ELMO1: variants seen among roughly 807,000 people sequenced by gnomAD.
ELMO1 encodes engulfment and cell motility protein 1.
In ELMO1, 26 loss-of-function variants were observed where a neutral mutation model predicts 98.9. The ratio of observed to expected loss-of-function variants is 0.26; its 90% CI spans 0.19 to 0.36. ELMO1 has a LOEUF of 0.36. Among genes scored for constraint, ELMO1 ranks in the 10% least tolerant of loss-of-function variants. The pLI, the probability that ELMO1 is intolerant of heterozygous loss-of-function variation, is 1.00. For synonymous variants in ELMO1, 346 were observed against 346.0 expected, an observed-to-expected ratio of 1.00 and a Z score of 0.00; for missense variants, 627 against 935.2, an observed-to-expected ratio of 0.67 and a Z score of 4.30.
intron 14 of ELMO1, among the ~76,000 whole-genome samples, chr7:37,122,926 A>C (rs1170270700): frequency 6.6e-6 from 1 of 152,190 alleles, no homozygotes; most frequent in Non-Finnish European, 1.5e-5. Flanking sequence ...ATAAATTATA[A>C]CAAACTGTCT....
In ELMO1 at chr7:37,224,989, G is replaced by T. The variant is rs756310823; in HGVS notation, c.591C>A (p.Ile197=). 2 of 1,614,010 alleles carry T rather than the reference G, an allele frequency of 1.2e-6. No homozygotes were observed. Among genetic ancestry groups the T allele is most frequent in the African/African-American group, 2.7e-5 (2 of 74,918 alleles). Residue 197 remains isoleucine, a synonymous_variant, in exon 9 of 22, where the codon ATC becomes ATA. Transcript: ENST00000310758. The stretch of plus-strand genomic sequence containing the variant: ...CCAAAATGGCCAAGGACCGCTGCAG[G>T]ATCGAGATGTCTATGGCTGACTTGT... ...FVNKSAIDIS[I]LQRSLAILES...
intron 13 of ELMO1, among the ~76,000 whole-genome samples, chr7:37,204,535 T>C (rs957482311): frequency 2.6e-5 from 4 of 152,208 alleles, no homozygotes; most frequent in East Asian, 3.8e-4. Context: ...GCAAGATTTA[T>C]TGCAAAGAGC....
intron 16 of ELMO1, among the ~76,000 whole-genome samples, chr7:36,937,336 GA>G (rs1405390490): frequency 3.9e-5 from 6 of 152,194 alleles, no homozygotes; most frequent in Non-Finnish European, 1.5e-5. Flanking sequence ...CAAAGGCAGA[GA>G]CTGAAGTGAT....
chr7:37,256,371 C>G (rs1795642504), intron 6 of ELMO1, among the ~76,000 whole-genome samples: 2 of 151,958 alleles, frequency 1.3e-5, no homozygotes. Context: ...TAGGGATTTT[C>G]TCTACTTGAC....
intron 16 of ELMO1, among the ~76,000 whole-genome samples, chr7:36,917,439 C>A (rs1043746992): frequency 2.0e-5 from 3 of 152,166 alleles, no homozygotes; most frequent in African/African-American, 7.2e-5. Context: ...AAGGGCTTAA[C>A]ACCTAGAATA....
Position 37,211,392 on chromosome 7 carries a change from C to G in ELMO1, c.1080G>C (p.Gly360=). ...CTGGAGATAGCTTACTTACAATGAA[C>G]CCAAGCTTCTTATAATCTCGCGTGT... ...SMYTRDYKKL[G]FINHVNPAMD... The change falls in exon 13 of 22, where the codon GGG becomes GGC. Residue 360 remains glycine (G), a synonymous_variant. Coordinates refer to ENST00000310758, the MANE Select transcript of ELMO1 (RefSeq NM_014800.11). 1 of 1,613,952 alleles carries G rather than the reference C, an allele frequency of 6.2e-7. No homozygotes were observed. Among genetic ancestry groups the G allele is most frequent in the African/African-American group, 1.3e-5 (1 of 75,010 alleles).
At chr7:37,101,150 C>G (rs1784618916) in intron 14 of ELMO1, among the ~76,000 whole-genome samples, 1 of 152,204 alleles carries the variant, frequency 6.6e-6, no homozygotes, top group Admixed American at 6.5e-5. Flanking sequence ...TCTAGGGACT[C>G]ATGAAAGTAA....
At chr7:36,957,767 T>G (rs569330034) in intron 16 of ELMO1, among the ~76,000 whole-genome samples, 1 of 152,226 alleles carries the variant, frequency 6.6e-6, no homozygotes, top group African/African-American at 2.4e-5. Context: ...ATGCCCCAAG[T>G]GTGGAGAGAA....
chr7:36,964,723 T>C (rs929175886), intron 16 of ELMO1, among the ~76,000 whole-genome samples: 1 of 152,172 alleles, frequency 6.6e-6, no homozygotes, highest in Admixed American at 6.5e-5. Flanking sequence ...CCTACTTCCT[T>C]CCTCCTCCAC....
intron 9 of ELMO1, among the ~76,000 whole-genome samples, chr7:37,223,729 GAA>G (rs1032156611): frequency 3.3e-5 from 5 of 152,146 alleles, no homozygotes; most frequent in African/African-American, 1.2e-4. Flanking sequence ...TCATTTTGAA[GAA>G]TTATGATTCT....
chr7:37,111,330 T>G (rs1398058626), intron 14 of ELMO1, among the ~76,000 whole-genome samples: 3 of 152,186 alleles, frequency 2.0e-5, no homozygotes, highest in African/African-American at 7.2e-5. Flanking sequence ...AATGGGATAA[T>G]GCATGAGAAG....
chr7:37,376,344 T>C (rs1377048043), intron 1 of ELMO1, among the ~76,000 whole-genome samples: 2 of 152,186 alleles, frequency 1.3e-5, no homozygotes, highest in East Asian at 3.8e-4. Context: ...GGGGCCTGAG[T>C]ACCTGCATAG....
intron 13 of ELMO1, among the ~76,000 whole-genome samples, chr7:37,171,350 G>A (rs1790140801): frequency 6.6e-6 from 1 of 151,994 alleles, no homozygotes; most frequent in South Asian, 2.1e-4. Flanking sequence ...CTACCAATCA[G>A]TGGCGTCATG....
chr7:37,232,944 A>AC (rs1794258669), intron 8 of ELMO1, 151 bp downstream of exon 8: 1 of 696,020 alleles, frequency 1.4e-6, no homozygotes, highest in Non-Finnish European at 2.3e-6. Context: ...GGGTTTCCTG[A>AC]CCCCCACATA....
intron 16 of ELMO1, among the ~76,000 whole-genome samples, chr7:37,007,682 T>C (rs1793240070): frequency 6.6e-6 from 1 of 152,162 alleles, no homozygotes; most frequent in South Asian, 2.1e-4. Flanking sequence ...GCAAACACAT[T>C]TCCCTTTTTT....
At chr7:37,418,874 G>T (rs1804347809) in intron 1 of ELMO1, among the ~76,000 whole-genome samples, 1 of 152,158 alleles carries the variant, frequency 6.6e-6, no homozygotes, top group South Asian at 2.1e-4. Flanking sequence ...AGAGTCAAGT[G>T]CCCAGCTCTC....
chr7:36,873,178 A>C (rs554124852), intron 19 of ELMO1, among the ~76,000 whole-genome samples: 1 of 152,328 alleles, frequency 6.6e-6, no homozygotes, highest in East Asian at 1.9e-4. Context: ...TGTAGCTTTT[A>C]AAGGTTGCTT....
chr7:36,986,820 C>T (rs76116419), intron 16 of ELMO1, among the ~76,000 whole-genome samples: 1 of 152,044 alleles, frequency 6.6e-6, no homozygotes, highest in African/African-American at 2.4e-5. Flanking sequence ...GCAAGCATTC[C>T]AGAGCATCCC....
intron 4 of ELMO1, among the ~76,000 whole-genome samples, chr7:37,279,590 T>C (rs1488643543): frequency 6.6e-6 from 1 of 152,166 alleles, no homozygotes. Flanking sequence ...AAGGTCTCTT[T>C]GCGGGAGAAG....
Sources: gnomAD v4.1 joint callset for allele counts (sites outside exome capture counted in the v4.1 genomes callset) on GRCh38, gnomAD v4.1.1 for gene constraint, MANE v1.5 for transcripts, NCBI Gene and HGNC (gene_info 2026-07-23, HGNC 2026-07-21) for gene names.